Variants in PPTC7 observed in about 807,000 individuals in gnomAD.
PPTC7 encodes the protein protein phosphatase targeting COQ7, also known as protein phosphatase PTC7 homolog.
Under a neutral mutation model 30.8 loss-of-function variants are expected in PPTC7, and 6 were observed. The ratio of observed to expected loss-of-function variants is 0.19; its 90% CI spans 0.11 to 0.38. The LOEUF is 0.38. Ranked by LOEUF, PPTC7 falls within the 10% of genes least tolerant of loss-of-function variation. PPTC7 has a pLI of 1.00. For synonymous variants in PPTC7, 163 were observed against 168.1 expected (o/e 0.97, Z 0.23); for missense variants, 218 against 404.8 (o/e 0.54, Z 3.96).
At position 110,582,960 on chromosome 12, in the gene PPTC7, G is replaced by A. The variant is rs1445070704; in HGVS notation, c.72C>T (p.Pro24=). ...AVLGGLSQTD[P]RAGGGGGGDY... ...CGCCGCCGCCGCCGCCGCCGGCCCT[G>A]GGGTCGGTCTGCGAGAGGCCGCCGA... is the stretch of plus-strand genomic sequence containing the variant. Residue 24 remains proline, a synonymous_variant, in exon 1 of 6, where the codon CCC becomes CCT. Transcript: ENST00000354300. 5.2e-6 allele frequency: 8 copies of A among 1,532,068 alleles called. No individual in the cohort carries two copies. Among genetic ancestry groups the A allele is most frequent in the African/African-American group, 4.3e-5 (3 of 69,668 alleles). 94.9% of individuals were successfully genotyped at this position (1,532,068 alleles called of 1,614,324 possible). A position where few individuals can be genotyped will look rare whatever the true frequency, so the allele number is the denominator to read the frequency against.
chr12:110,582,795 G>A lies in PPTC7; in HGVS notation c.223+14C>T, dbSNP rs1289191075. On this transcript the variant is annotated intron_variant, in intron 1 of 5. Coordinates refer to ENST00000354300, the MANE Select transcript of PPTC7 (RefSeq NM_139283.2). ...ATCCGAGGCTGGGGCAAGGGAACCG[G>A]GTCGGGGACTCACCGAGCACGTCCG... 2 of 1,548,760 alleles carry A rather than the reference G, an allele frequency of 1.3e-6. No homozygotes were observed. The highest frequency in any genetic ancestry group is 8.7e-7 in the Non-Finnish European group (1 of 1,146,568).
chr12:110,538,370 G>T (rs2064233977), intron 4 of PPTC7, 97 bp from the exon 5 acceptor site: 1 of 1,203,328 alleles, frequency 8.3e-7, no homozygotes. Context: ...ATTCTAGTTA[G>T]AAAAGACATT....
chr12:110,550,269 C>T (rs889873379), intron 2 of PPTC7, among the ~76,000 whole-genome samples: 21 of 122,626 alleles, frequency 1.7e-4, no homozygotes, highest in Non-Finnish European at 2.7e-4. Context: ...CTTGCTCTGT[C>T]GCCCACGCTG....
At chr12:110,557,569 G>T (rs1418277554) in intron 1 of PPTC7, among the ~76,000 whole-genome samples, 1 of 152,128 alleles carries the variant, frequency 6.6e-6, no homozygotes, top group East Asian at 1.9e-4. Context: ...TGAGCCACAG[G>T]ATCTGGCCAA....
chr12:110,552,010 C>T, intron 1 of PPTC7, 42 bp from the exon 2 acceptor site: 2 of 1,535,660 alleles, frequency 1.3e-6, no homozygotes, highest in Non-Finnish European at 1.8e-6. Flanking sequence ...ACAATCTTAC[C>T]AACTTCTCAG....
At chr12:110,579,990 G>A (rs1282624654) in intron 1 of PPTC7, among the ~76,000 whole-genome samples, 1 of 151,506 alleles carries the variant, frequency 6.6e-6, no homozygotes, top group African/African-American at 2.4e-5. Flanking sequence ...TCCAGCCTGG[G>A]CAACAAGAGC....
rs2135803592 is a variant in PPTC7 at position 110,583,002 on chromosome 12, C to T, written c.30G>A (p.Leu10=). 1.3e-6 allele frequency: 2 copies of T among 1,492,876 alleles called. No individual in the cohort carries two copies. The highest frequency in any genetic ancestry group is 5.3e-5 in the East Asian group (2 of 37,732). 92.5% of individuals were successfully genotyped at this position (1,492,876 alleles called of 1,614,324 possible). The change falls in exon 1 of 6, where the codon CTG becomes CTA. Residue 10 remains leucine, a synonymous_variant. Transcript: ENST00000354300. Reference sequence around the variant, plus strand: ...GGCCGCCGAGCACGGCGCGGGCCACCAGCCGCCCGTACGAGAGGACCGAGA... The same window carrying T: ...GGCCGCCGAGCACGGCGCGGGCCACTAGCCGCCCGTACGAGAGGACCGAGA... MFSVLSYGR[L]VARAVLGGLS...
At chr12:110,577,843 G>C (rs1403231567) in intron 1 of PPTC7, among the ~76,000 whole-genome samples, 1 of 152,142 alleles carries the variant, frequency 6.6e-6, no homozygotes, top group Non-Finnish European at 1.5e-5. Flanking sequence ...CTAAACTGTG[G>C]TTTAGCATGC....
At chr12:110,579,343 T>A (rs1370473198) in intron 1 of PPTC7, among the ~76,000 whole-genome samples, 2 of 152,084 alleles carry the variant, frequency 1.3e-5, no homozygotes, top group African/African-American at 4.8e-5. Context: ...ACTGCCCCTA[T>A]CCCCCACCAT....
At chr12:110,570,102 G>C (rs572463960) in intron 1 of PPTC7, among the ~76,000 whole-genome samples, 17 of 152,034 alleles carry the variant, frequency 1.1e-4, no homozygotes, top group African/African-American at 3.4e-4. Flanking sequence ...AGACATGGGA[G>C]ACTCCATTTT....
chr12:110,561,340 G>C (rs1404644696), intron 1 of PPTC7, among the ~76,000 whole-genome samples: 2 of 151,562 alleles, frequency 1.3e-5, no homozygotes, highest in East Asian at 1.9e-4. Context: ...TTGAGATGGA[G>C]TCTCACTCTG....
In PPTC7 at chr12:110,534,740, C is replaced by T. The variant is rs2064206201; in HGVS notation, c.*2297G>A. On this transcript the variant is annotated 3_prime_UTR_variant, in exon 6 of 6. Transcript: ENST00000354300. ...CTTGCCCCCACTACTTTCAGTATCA[C>T]TGGAACAAACACATCGTCAATTTCT... 1 of 152,250 alleles carries T rather than the reference C, an allele frequency of 6.6e-6. No individual in the cohort carries two copies. The highest frequency in any genetic ancestry group is 2.4e-5 in the African/African-American group (1 of 41,460). 9.4% of individuals were successfully genotyped at this position (152,250 alleles called of 1,614,324 possible). A position where few individuals can be genotyped will look rare whatever the true frequency, so the allele number is the denominator to read the frequency against.
At chr12:110,574,881 C>T (rs769670752) in intron 1 of PPTC7, among the ~76,000 whole-genome samples, 1 of 151,422 alleles carries the variant, frequency 6.6e-6, no homozygotes, top group Admixed American at 6.6e-5. Context: ...CAGGTTCAAG[C>T]GATTCTCATG....
intron 1 of PPTC7, among the ~76,000 whole-genome samples, chr12:110,562,948 C>G (rs1308452118): frequency 6.6e-6 from 1 of 150,858 alleles, no homozygotes; most frequent in Non-Finnish European, 1.5e-5. Context: ...ATGGCAAAAC[C>G]CTGTCTCTAC....
chr12:110,536,030 T>C lies in PPTC7; in HGVS notation c.*1007A>G, dbSNP rs2064216108. On this transcript the variant is annotated 3_prime_UTR_variant, in exon 6 of 6. Coordinates refer to ENST00000354300, the MANE Select transcript of PPTC7 (RefSeq NM_139283.2). ...ACATGGACTCACTGGATTTGGTGCA[T>C]GCTCTATAGAAAGCAAGGCTACTAA... 1 of 152,490 alleles carries C rather than the reference T, an allele frequency of 6.6e-6. No individual in the cohort carries two copies. The highest frequency in any genetic ancestry group is 6.5e-5 in the Admixed American group (1 of 15,284). The allele number at this position is 152,490 out of a possible 1,614,324, so 9.4% of individuals were successfully genotyped here. A position where few individuals can be genotyped will look rare whatever the true frequency, so the allele number is the denominator to read the frequency against.
intron 1 of PPTC7, among the ~76,000 whole-genome samples, chr12:110,566,093 T>C (rs1032464483): frequency 1.3e-5 from 2 of 152,178 alleles, no homozygotes; most frequent in African/African-American, 4.8e-5. Context: ...AAATGTCTAT[T>C]ACATTCATGC....
intron 2 of PPTC7, among the ~76,000 whole-genome samples, chr12:110,547,195 G>A (rs917608403): frequency 6.6e-6 from 1 of 152,080 alleles, no homozygotes; most frequent in African/African-American, 2.4e-5. Context: ...CTAAAATAAG[G>A]GACTGGTTAA....
intron 3 of PPTC7, among the ~76,000 whole-genome samples, chr12:110,541,365 G>A (rs975670640): frequency 1.3e-5 from 2 of 150,214 alleles, no homozygotes; most frequent in African/African-American, 2.5e-5. Context: ...CCTCCAGCCT[G>A]GCAACAGAGT....
chr12:110,552,635 C>T (rs1469176419), intron 1 of PPTC7, among the ~76,000 whole-genome samples: 4 of 152,306 alleles, frequency 2.6e-5, no homozygotes, highest in Non-Finnish European at 4.4e-5. Context: ...GAGGCCGAGG[C>T]GGGCGGATCA....
Sources: allele counts gnomAD v4.1 joint callset (sites outside exome capture counted in the v4.1 genomes callset), GRCh38; gene constraint gnomAD v4.1.1; transcripts MANE v1.5; gene names NCBI Gene and HGNC (gene_info 2026-07-23, HGNC 2026-07-21).